Variants in PLEKHA2 observed in about 807,000 individuals in gnomAD.
PLEKHA2 encodes the protein pleckstrin homology domain containing A2.
Under a neutral mutation model 53.2 loss-of-function variants are expected in PLEKHA2, and 28 were observed. The observed-to-expected ratio is 0.53, with a 90% CI of 0.39 to 0.72. The LOEUF is 0.72. PLEKHA2 is among the 30% of genes least tolerant of loss of function. The probability of loss-of-function intolerance (pLI) is 0.00; values close to 1 mark genes in which losing one functional copy is unlikely to be tolerated. For synonymous variants in PLEKHA2, 193 were observed against 196.4 expected, an observed-to-expected ratio of 0.98 and a Z score of 0.14; for missense variants, 426 against 537.9, an observed-to-expected ratio of 0.79 and a Z score of 2.06.
At chr8:38,954,478 C>G (rs1304516883) in intron 9 of PLEKHA2, among the ~76,000 whole-genome samples, 1 of 152,082 alleles carries the variant, frequency 6.6e-6, no homozygotes. Context: ...GCTTAGAGAA[C>G]CATAAGGAAC....
intron 1 of PLEKHA2, among the ~76,000 whole-genome samples, chr8:38,905,512 C>T (rs1326425013): frequency 6.6e-6 from 1 of 151,792 alleles, no homozygotes; most frequent in Admixed American, 6.6e-5. Context: ...ACCTGCACAT[C>T]CTCCTTACCA....
intron 9 of PLEKHA2, among the ~76,000 whole-genome samples, chr8:38,956,041 A>C (rs547793134): frequency 4.5e-4 from 68 of 152,240 alleles, no homozygotes; most frequent in African/African-American, 1.3e-3. Flanking sequence ...CTAGAACTCA[A>C]GTGATTTGCC....
intron 9 of PLEKHA2, among the ~76,000 whole-genome samples, chr8:38,955,203 A>AC (rs1564149515): frequency 1.3e-5 from 2 of 151,126 alleles, no homozygotes; most frequent in Admixed American, 6.6e-5. Flanking sequence ...TTTATCCCTC[A>AC]CCCCCCTCCT....
chr8:38,934,550 G>A (rs1234226016), intron 2 of PLEKHA2, among the ~76,000 whole-genome samples: 1 of 152,098 alleles, frequency 6.6e-6, no homozygotes, highest in Non-Finnish European at 1.5e-5. Context: ...TTCACAGGGG[G>A]ATGGTCTGCA....
chr8:38,933,655 A>C (rs967408909), intron 2 of PLEKHA2, among the ~76,000 whole-genome samples: 2 of 151,790 alleles, frequency 1.3e-5, no homozygotes, highest in African/African-American at 4.8e-5. Flanking sequence ...CTTTGCCCAG[A>C]GCGGTTCTCA....
intron 1 of PLEKHA2, among the ~76,000 whole-genome samples, chr8:38,910,886 G>T (rs1281508007): frequency 6.6e-6 from 1 of 152,192 alleles, no homozygotes; most frequent in African/African-American, 2.4e-5. Context: ...CATGGAAAAT[G>T]CTTATGACAT....
At chr8:38,921,617 C>T (rs1197622627) in intron 2 of PLEKHA2, among the ~76,000 whole-genome samples, 1 of 152,262 alleles carries the variant, frequency 6.6e-6, no homozygotes, top group South Asian at 2.1e-4. Flanking sequence ...TCAGCCTCTG[C>T]AGCAGGTTCC....
intron 4 of PLEKHA2, among the ~76,000 whole-genome samples, chr8:38,945,182 A>G (rs1388019295): frequency 6.6e-6 from 1 of 152,248 alleles, no homozygotes; most frequent in Non-Finnish European, 1.5e-5. Flanking sequence ...GCTAAGTGCT[A>G]TGAGCAAATG....
At chr8:38,941,820 G>A (rs1834617799) in intron 3 of PLEKHA2, among the ~76,000 whole-genome samples, 1 of 152,208 alleles carries the variant, frequency 6.6e-6, no homozygotes, top group Non-Finnish European at 1.5e-5. Flanking sequence ...AACAGGAAAT[G>A]GAGGTCATTC....
chr8:38,953,055 G>A (rs1035636465), intron 8 of PLEKHA2, among the ~76,000 whole-genome samples: 1 of 152,156 alleles, frequency 6.6e-6, no homozygotes, highest in Non-Finnish European at 1.5e-5. Flanking sequence ...TGCCCAGGCT[G>A]GTCTTGAACT....
Position 38,946,161 on chromosome 8 carries a change from C to A in PLEKHA2, c.285C>A (p.Ala95=). The A allele has an allele frequency of 6.2e-7, 1 of 1,608,922 alleles. No homozygotes were observed. The highest frequency in any genetic ancestry group is 1.1e-5 in the South Asian group (1 of 89,818). ...TGTCTCAGAGATATTTCCTTCAAGC[C>A]AATGATCAGAAAGATATGAAGGACT... ...NALSQRYFLQ[A]NDQKDMKDWV... Residue 95 remains alanine (A), a synonymous_variant, in exon 5 of 12, where the codon GCC becomes GCA. Coordinates refer to ENST00000617275, the MANE Select transcript of PLEKHA2 (RefSeq NM_021623.2).
At chr8:38,929,321 T>C (rs543155978) in intron 2 of PLEKHA2, among the ~76,000 whole-genome samples, 39 of 152,332 alleles carry the variant, frequency 2.6e-4, no homozygotes, top group Admixed American at 1.4e-3. Context: ...TCTATTGGAG[T>C]TTGGCACCCA....
At chr8:38,939,620 C>G (rs1834562449) in intron 3 of PLEKHA2, among the ~76,000 whole-genome samples, 1 of 152,228 alleles carries the variant, frequency 6.6e-6, no homozygotes, top group Non-Finnish European at 1.5e-5. Flanking sequence ...ACAGCACAGG[C>G]TGGCTAATCA....
At chr8:38,948,607 G>A (rs558573941) in intron 5 of PLEKHA2, among the ~76,000 whole-genome samples, 1 of 152,176 alleles carries the variant, frequency 6.6e-6, no homozygotes, top group South Asian at 2.1e-4. Flanking sequence ...CGTTGTCTTT[G>A]TGGGGGCCCA....
chr8:38,914,461 TGG>T (rs1328018933), intron 1 of PLEKHA2, among the ~76,000 whole-genome samples: 1 of 152,216 alleles, frequency 6.6e-6, no homozygotes, highest in Non-Finnish European at 1.5e-5. Flanking sequence ...CCGGGGCTGT[TGG>T]GTCTCTCTAG....
chr8:38,933,934 A>T (rs1223423332), intron 2 of PLEKHA2, among the ~76,000 whole-genome samples: 2 of 152,050 alleles, frequency 1.3e-5, no homozygotes, highest in African/African-American at 4.8e-5. Flanking sequence ...CAAAGGGAAG[A>T]ACGTGAGTGC....
chr8:38,968,898 CTTTTT>C (rs761821480), intron 11 of PLEKHA2: 266 of 250,206 alleles, frequency 1.1e-3, no homozygotes, highest in Middle Eastern at 2.5e-3. Context: ...AATGGAATTT[CTTTTT>C]TTTTTTTTTT....
At chr8:38,925,267 T>G (rs1834264591) in intron 2 of PLEKHA2, among the ~76,000 whole-genome samples, 1 of 152,228 alleles carries the variant, frequency 6.6e-6, no homozygotes, top group African/African-American at 2.4e-5. Context: ...GTTCCCGTCA[T>G]GATAGAGGAG....
At chr8:38,964,708 GA>G (rs146832307) in intron 10 of PLEKHA2, among the ~76,000 whole-genome samples, 5,046 of 146,570 alleles carry the variant, frequency 0.034, 270 homozygotes, top group African/African-American at 0.12. Flanking sequence ...ATTATTAACT[GA>G]AAAAAAAAAT....
Sources: gnomAD v4.1 joint callset for allele counts (sites outside exome capture counted in the v4.1 genomes callset) on GRCh38, gnomAD v4.1.1 for gene constraint, MANE v1.5 for transcripts, NCBI Gene and HGNC (gene_info 2026-07-23, HGNC 2026-07-21) for gene names.